RFPL1: variants seen among roughly 807,000 people sequenced by gnomAD.
RFPL1 encodes ret finger protein like 1, also known as ret finger protein-like 1.
In RFPL1, 6 loss-of-function variants were observed where a neutral mutation model predicts 9.6. That is an observed-to-expected ratio of 0.62 (90% CI 0.34 to 1.23). The LOEUF (loss-of-function observed/expected upper bound fraction) is 1.23, where lower values mean the gene tolerates loss of function less well. RFPL1 is among the 50% of genes most tolerant of loss of function. The pLI is 0.03. For synonymous variants in RFPL1, 145 were observed against 149.4 expected, an observed-to-expected ratio of 0.97 and a Z score of 0.22; for missense variants, 352 against 398.4, an observed-to-expected ratio of 0.88 and a Z score of 0.99.
At chr22:29,417,971 G>A in the RFPL1 span, among the ~76,000 whole-genome samples, 1 of 142,342 alleles carries the variant, frequency 7.0e-6, no homozygotes, top group African/African-American at 2.7e-5. Flanking sequence ...AGGGAGTCTC[G>A]CTCTGTCATC....
the RFPL1 span, among the ~76,000 whole-genome samples, chr22:29,406,504 T>C: frequency 6.6e-6 from 1 of 152,160 alleles, no homozygotes; most frequent in South Asian, 2.1e-4. Context: ...TAAGTAGCAT[T>C]TGAACCCAGG....
chr22:29,424,107 G>A, the RFPL1 span, among the ~76,000 whole-genome samples: 1 of 152,104 alleles, frequency 6.6e-6, no homozygotes, highest in African/African-American at 2.4e-5. Flanking sequence ...TGGAACCCGG[G>A]AGACGGAGGC....
chr22:29,418,043 G>T, the RFPL1 span, among the ~76,000 whole-genome samples: 1 of 149,326 alleles, frequency 6.7e-6, no homozygotes, highest in Non-Finnish European at 1.5e-5. Context: ...GCAATTCTCT[G>T]TCTCAGCCTC....
chr22:29,396,418 C>T, the RFPL1 span, among the ~76,000 whole-genome samples: 3 of 152,204 alleles, frequency 2.0e-5, no homozygotes, highest in Non-Finnish European at 4.4e-5. Context: ...ATATTGGCAC[C>T]ATGCCCTTGG....
At chr22:29,426,476 G>A in the RFPL1 span, among the ~76,000 whole-genome samples, 1 of 152,116 alleles carries the variant, frequency 6.6e-6, no homozygotes, top group Admixed American at 6.6e-5. Flanking sequence ...TTGAGGCTGG[G>A]TGCAGTGGCT....
chr22:29,425,311 A>G, the RFPL1 span, among the ~76,000 whole-genome samples: 2 of 152,160 alleles, frequency 1.3e-5, no homozygotes, highest in Admixed American at 1.3e-4. Context: ...TGTGGAAGTC[A>G]CGCTGAACCT....
chr22:29,420,768 A>G, the RFPL1 span, among the ~76,000 whole-genome samples: 5,514 of 149,618 alleles, frequency 0.037, 315 homozygotes, highest in African/African-American at 0.13. Context: ...AACCTCCCAG[A>G]TAGCTGGAAC....
the RFPL1 span, among the ~76,000 whole-genome samples, chr22:29,399,994 C>CTT: frequency 1.2e-4 from 14 of 116,270 alleles, no homozygotes; most frequent in South Asian, 2.8e-4. Flanking sequence ...CTTTTCTTTT[C>CTT]TTTTTTTTTT....
the RFPL1 span, among the ~76,000 whole-genome samples, chr22:29,388,006 C>G: frequency 6.6e-6 from 1 of 152,154 alleles, no homozygotes; most frequent in African/African-American, 2.4e-5. Flanking sequence ...GGCACGGGAC[C>G]GTTTTCTAGT....
the RFPL1 span, among the ~76,000 whole-genome samples, chr22:29,425,750 T>C: frequency 1.3e-5 from 2 of 152,000 alleles, no homozygotes; most frequent in African/African-American, 4.8e-5. Context: ...GTGGATCACC[T>C]GAGATGGTGG....
At chr22:29,416,821 T>C in the RFPL1 span, among the ~76,000 whole-genome samples, 1 of 152,158 alleles carries the variant, frequency 6.6e-6, no homozygotes, top group African/African-American at 2.4e-5. Flanking sequence ...TTCATAAATG[T>C]CAAATAACCT....
At chr22:29,410,273 T>C in the RFPL1 span, among the ~76,000 whole-genome samples, 340 of 126,038 alleles carry the variant, frequency 2.7e-3, 3 homozygotes, top group East Asian at 0.013. Flanking sequence ...TATATATCTA[T>C]ATATATAGAT....
chr22:29,439,632 T>TC (rs2062828488), intron 1 of RFPL1: 1 of 134,010 alleles, frequency 7.5e-6, no homozygotes, highest in African/African-American at 3.6e-5. Context: ...AGACTCCGTC[T>TC]CAAAAAAAAA....
At chr22:29,427,625 C>T in the RFPL1 span, among the ~76,000 whole-genome samples, 1 of 152,152 alleles carries the variant, frequency 6.6e-6, no homozygotes, top group Non-Finnish European at 1.5e-5. Context: ...TTGCCAATGC[C>T]CTGCTGCTAA....
At chr22:29,389,992 G>T in the RFPL1 span, among the ~76,000 whole-genome samples, 3 of 152,132 alleles carry the variant, frequency 2.0e-5, no homozygotes, top group South Asian at 6.2e-4. Flanking sequence ...AGAGGCGGGG[G>T]TTTCACCATG....
chr22:29,418,496 C>CTT, the RFPL1 span, among the ~76,000 whole-genome samples: 864 of 124,446 alleles, frequency 6.9e-3, 19 homozygotes, highest in African/African-American at 0.02. Context: ...TCTTCGTCTT[C>CTT]TTTTTTTTTT....
chr22:29,437,809 G>A (rs562182728), upstream of RFPL1: 1 of 1,380,082 alleles, frequency 7.2e-7, no homozygotes, highest in Middle Eastern at 2.4e-4. Context: ...ATGAATGAGA[G>A]AAATTCGTAA....
At chr22:29,396,728 C>T in the RFPL1 span, among the ~76,000 whole-genome samples, 1 of 152,106 alleles carries the variant, frequency 6.6e-6, no homozygotes, top group Non-Finnish European at 1.5e-5. Flanking sequence ...ATCCTCCTGC[C>T]TTGGCCTCCC....
the RFPL1 span, among the ~76,000 whole-genome samples, chr22:29,406,024 G>A: frequency 6.9e-6 from 1 of 144,634 alleles, no homozygotes; most frequent in Non-Finnish European, 1.5e-5. Context: ...CAGGAGAATG[G>A]CGTGAACCCG....
Sources: gnomAD v4.1 joint callset for allele counts (sites outside exome capture counted in the v4.1 genomes callset) on GRCh38, gnomAD v4.1.1 for gene constraint, MANE v1.5 for transcripts, NCBI Gene and HGNC (gene_info 2026-07-23, HGNC 2026-07-21) for gene names.